FGF1: variants seen among roughly 807,000 people sequenced by gnomAD.
FGF1 encodes the protein fibroblast growth factor 1.
FGF1 carries 9 observed loss-of-function variants against 13.4 expected under a neutral mutation model. The ratio of observed to expected loss-of-function variants is 0.67; its 90% CI spans 0.40 to 1.17. The LOEUF (loss-of-function observed/expected upper bound fraction) is 1.17. Among genes scored for constraint, FGF1 ranks in the 50% most tolerant of loss-of-function variants. The pLI, the probability that FGF1 is intolerant of heterozygous loss-of-function variation, is 0.01. For synonymous variants in FGF1, 93 were observed against 79.0 expected (o/e 1.18, Z -0.94); for missense variants, 156 against 192.7 (o/e 0.81, Z 1.13).
intron 1 of FGF1, among the ~76,000 whole-genome samples, chr5:142,650,369 G>T (rs1429188825): frequency 6.6e-6 from 1 of 152,186 alleles, no homozygotes; most frequent in East Asian, 1.9e-4. Context: ...TTTAAAACGA[G>T]GTCTGTGAAT....
chr5:142,646,598 G>A (rs576585069), intron 1 of FGF1, among the ~76,000 whole-genome samples: 8 of 152,170 alleles, frequency 5.3e-5, no homozygotes, highest in East Asian at 1.9e-4. Context: ...TGCTCTGCCC[G>A]CCTTGGCCTC....
At chr5:142,650,146 T>C (rs1766961935) in intron 1 of FGF1, among the ~76,000 whole-genome samples, 1 of 152,184 alleles carries the variant, frequency 6.6e-6, no homozygotes, top group Non-Finnish European at 1.5e-5. Context: ...GACAGATGTT[T>C]CCTCTGAGAA....
At chr5:142,620,602 T>C (rs1761383199) in intron 1 of FGF1, among the ~76,000 whole-genome samples, 1 of 152,058 alleles carries the variant, frequency 6.6e-6, no homozygotes, top group African/African-American at 2.4e-5. Flanking sequence ...AAAACAAAAA[T>C]TGACAAATAT....
Position 142,594,059 on chromosome 5 carries a change from A to C in FGF1, c.*1231T>G, listed in dbSNP as rs1055429598. 6.6e-6 allele frequency: 1 copy of C among 152,562 alleles called. No individual in the cohort carries two copies. Among genetic ancestry groups the C allele is most frequent in the Non-Finnish European group, 1.5e-5 (1 of 68,046 alleles). The allele number at this position is 152,562 out of a possible 1,614,324, so 9.5% of individuals were successfully genotyped here. A position where few individuals can be genotyped will look rare whatever the true frequency, so the allele number is the denominator to read the frequency against. ...CTCTTAAAATCATGCTCCTTAGTAC[A>C]GGCATAACTATTGTCAGTGCTGCCT... is the stretch of plus-strand genomic sequence containing the variant. On this transcript the variant is annotated 3_prime_UTR_variant, in exon 4 of 4. Transcript: ENST00000337706.
At chr5:142,653,332 G>A (rs1186063994) in intron 1 of FGF1, among the ~76,000 whole-genome samples, 1 of 152,154 alleles carries the variant, frequency 6.6e-6, no homozygotes, top group African/African-American at 2.4e-5. Flanking sequence ...TACAAAAATG[G>A]ACTCACTTAT....
At chr5:142,604,383 A>G (rs565276658) in intron 2 of FGF1, among the ~76,000 whole-genome samples, 7 of 152,276 alleles carry the variant, frequency 4.6e-5, no homozygotes, top group African/African-American at 1.7e-4. Flanking sequence ...AGAGAGATCA[A>G]AGGAAGGGGC....
intron 1 of FGF1, among the ~76,000 whole-genome samples, chr5:142,635,253 G>C (rs1391225444): frequency 6.6e-6 from 1 of 152,096 alleles, no homozygotes; most frequent in Admixed American, 6.5e-5. Flanking sequence ...ACAGTACCTC[G>C]TAGGGTGTTG....
At chr5:142,664,121 G>A (rs1226885445) in intron 1 of FGF1, among the ~76,000 whole-genome samples, 1 of 152,174 alleles carries the variant, frequency 6.6e-6, no homozygotes, top group Admixed American at 6.5e-5. Flanking sequence ...AGTTCCAAGT[G>A]AGCCCAAGCA....
intron 2 of FGF1, among the ~76,000 whole-genome samples, chr5:142,608,922 G>A (rs1296313389): frequency 2.6e-5 from 4 of 151,916 alleles, no homozygotes. Context: ...AGAGAACCCT[G>A]TCGCGGAGTA....
chr5:142,646,054 G>C (rs867468703), intron 1 of FGF1, among the ~76,000 whole-genome samples: 1 of 151,502 alleles, frequency 6.6e-6, no homozygotes, highest in Non-Finnish European at 1.5e-5. Context: ...GACTACAGGC[G>C]CCTGCCACCA....
rs114588680 is a variant in FGF1, at chr5:142,679,425, G to T, written c.-35+6532C>A. On this transcript the variant is annotated intron_variant, in intron 1 of 3. Transcript: ENST00000337706. ...TGGGGTCAAGTTCCCCTGCCATGTG[G>T]TTTTTCAGGACCACTCGGTAGAATT... Among the ~76,000 whole-genome samples, 938 of 152,266 alleles carry T rather than the reference G, an allele frequency of 6.2e-3. 8 individuals are homozygous for T. Among genetic ancestry groups the T allele is most frequent in the African/African-American group, 0.022 (894 of 41,532 alleles).
chr5:142,601,363 C>T (rs1169671634), intron 2 of FGF1, among the ~76,000 whole-genome samples: 1 of 152,164 alleles, frequency 6.6e-6, no homozygotes, highest in African/African-American at 2.4e-5. Context: ...AAGAGGTTCC[C>T]AGGGAGTTAG....
chr5:142,697,266 T>A (rs1753277978), intron 2 of FGF1, among the ~76,000 whole-genome samples: 1 of 152,224 alleles, frequency 6.6e-6, no homozygotes, highest in Non-Finnish European at 1.5e-5. Context: ...TTCAGTGCTT[T>A]TTAAAATGAA....
chr5:142,624,044 C>T lies in FGF1; in HGVS notation c.-34-9883G>A, dbSNP rs942874840. ...AAGCAATTCTCCTGCCTCAGCCTCC[C>T]GAGTAGCTGGGAATACAGGCACCCG... is the stretch of plus-strand genomic sequence containing the variant. On this transcript the variant is annotated intron_variant, in intron 1 of 3. Coordinates refer to ENST00000337706, the MANE Select transcript of FGF1 (RefSeq NM_000800.5). Among the ~76,000 whole-genome samples, 5 of 152,250 alleles carry T rather than the reference C, an allele frequency of 3.3e-5. No homozygotes were observed. The East Asian group carries it at 5.8e-4, about 18-fold the overall frequency.
At chr5:142,638,592 A>G (rs1223807950) in intron 1 of FGF1, among the ~76,000 whole-genome samples, 2 of 152,118 alleles carry the variant, frequency 1.3e-5, no homozygotes, top group African/African-American at 4.8e-5. Flanking sequence ...CTAGAAGAAA[A>G]CATAGGGGAA....
At chr5:142,622,548 A>C (rs1173806045) in intron 1 of FGF1, among the ~76,000 whole-genome samples, 1 of 152,226 alleles carries the variant, frequency 6.6e-6, no homozygotes, top group African/African-American at 2.4e-5. Context: ...TTCTTTAAAG[A>C]AAATACTATG....
In FGF1 at chr5:142,608,295, G is replaced by T. The variant is rs553267843; in HGVS notation, c.169+5664C>A. Among the ~76,000 whole-genome samples the T allele has an allele frequency of 2.6e-5, 4 of 152,120 alleles. No individual in the cohort carries two copies. In the East Asian group the frequency reaches 7.7e-4, roughly 29 times the overall value. ...GAGGCCAAGAGAGATTATGTGCCTG[G>T]TTTATTCTGGGTTGGAGACTTCCCG... On this transcript the variant is annotated intron_variant, in intron 2 of 3. Transcript: ENST00000337706.
intron 1 of FGF1, among the ~76,000 whole-genome samples, chr5:142,632,722 A>G (rs1318777674): frequency 6.6e-6 from 1 of 152,156 alleles, no homozygotes; most frequent in Non-Finnish European, 1.5e-5. Context: ...TTTACTCAAT[A>G]CATTAGGAAT....
exon 1 of FGF1, chr5:142,697,965 G>A (rs965924892): frequency 2.0e-5 from 3 of 152,416 alleles, no homozygotes; most frequent in East Asian, 1.9e-4. Flanking sequence ...GAAGGCTGCC[G>A]AGTGGGTCAT....
Sources: gnomAD v4.1 joint callset for allele counts (sites outside exome capture counted in the v4.1 genomes callset) on GRCh38, gnomAD v4.1.1 for gene constraint, MANE v1.5 for transcripts, NCBI Gene and HGNC (gene_info 2026-07-23, HGNC 2026-07-21) for gene names.